UFSP2: variants seen among roughly 807,000 people sequenced by gnomAD.
UFSP2 encodes the protein UFM1 specific peptidase 2.
In UFSP2, 43 loss-of-function variants were observed where a neutral mutation model predicts 60.2. That is an observed-to-expected ratio of 0.71 (90% CI 0.56 to 0.92). The LOEUF (loss-of-function observed/expected upper bound fraction) is 0.92. Among genes scored for constraint, UFSP2 ranks in the 40% least tolerant of loss-of-function variants. UFSP2 has a pLI of 0.00. For missense variants in UFSP2, 520 were observed against 575.0 expected, an observed-to-expected ratio of 0.90 and a Z score of 0.98; for synonymous variants, 183 against 195.1, an observed-to-expected ratio of 0.94 and a Z score of 0.52.
rs1195989193 is a variant in UFSP2, at chr4:185,422,534, G to A, written c.33C>T (p.Phe11=). 1.2e-6 allele frequency: 2 copies of A among 1,611,422 alleles called. No individual in the cohort carries two copies. The highest frequency in any genetic ancestry group is 1.3e-5 in the African/African-American group (1 of 74,696). Residue 11 remains phenylalanine (F), a synonymous_variant, in exon 2 of 12, where the codon TTC becomes TTT. Coordinates refer to ENST00000264689, the MANE Select transcript of UFSP2 (RefSeq NM_018359.5). MVISESMDIL[F]RIRGGLDLAF... ...CCAAATCAAGGCCTCCTCTTATTCT[G>A]AAGAGTATATCCATACTTTCTGAAA...
In UFSP2 at chr4:185,421,230, G is replaced by A. The variant is rs557261047; in HGVS notation, c.82+1255C>T. Among the ~76,000 whole-genome samples the A allele has an allele frequency of 7.2e-5, 11 of 152,290 alleles. No homozygotes were observed. In the South Asian group the frequency reaches 2.3e-3, roughly 32 times the overall value. Reference sequence around the variant, plus strand: ...GAACAATTTATTAGTTGAAGGGATGGGTGGAAAAGAATATTCTGCACCCTC... The same window carrying A: ...GAACAATTTATTAGTTGAAGGGATGAGTGGAAAAGAATATTCTGCACCCTC... On this transcript the variant is annotated intron_variant, in intron 2 of 11. Transcript: ENST00000264689.
At chr4:185,406,884 A>AT (rs761397575) in intron 9 of UFSP2, among the ~76,000 whole-genome samples, 6 of 150,492 alleles carry the variant, frequency 4.0e-5, no homozygotes, top group East Asian at 2.0e-4. Flanking sequence ...CCAGTCTGTC[A>AT]TTTTTTTACC....
At chr4:185,409,091 C>T (rs1038283086) in intron 7 of UFSP2, among the ~76,000 whole-genome samples, 24 of 151,920 alleles carry the variant, frequency 1.6e-4, no homozygotes, top group African/African-American at 5.1e-4. Flanking sequence ...GCCTGGCACA[C>T]GGTTAATATA....
At chr4:185,421,297 A>G (rs2095548905) in intron 2 of UFSP2, among the ~76,000 whole-genome samples, 1 of 152,306 alleles carries the variant, frequency 6.6e-6, no homozygotes, top group Admixed American at 6.5e-5. Flanking sequence ...GCCAGCTGCA[A>G]TCTCCTTCAA....
At chr4:185,418,378 A>T in intron 4 of UFSP2, 63 bp downstream of exon 4, 2 of 1,238,126 alleles carry the variant, frequency 1.6e-6, no homozygotes, top group South Asian at 2.7e-5. Context: ...CTAAGATTGC[A>T]CTCAGTTCCA....
intron 2 of UFSP2, among the ~76,000 whole-genome samples, chr4:185,419,818 T>C (rs182487355): frequency 1.2e-3 from 179 of 152,366 alleles, no homozygotes; most frequent in Non-Finnish European, 1.9e-3. Flanking sequence ...CATTCATAAA[T>C]TGATGCACAT....
At chr4:185,419,344 A>G (rs929376582) in intron 2 of UFSP2, among the ~76,000 whole-genome samples, 1 of 151,922 alleles carries the variant, frequency 6.6e-6, no homozygotes, top group African/African-American at 2.4e-5. Context: ...GTTAGCCAGG[A>G]TGGTCTCGAT....
chr4:185,402,306 C>T (rs751347953), intron 11 of UFSP2: 2 of 455,134 alleles, frequency 4.4e-6, no homozygotes, highest in South Asian at 1.6e-5. Flanking sequence ...GATACATGCA[C>T]CAGTCAAAAA....
chr4:185,404,331 C>T (rs1230719358), intron 10 of UFSP2, among the ~76,000 whole-genome samples: 1 of 139,868 alleles, frequency 7.1e-6, no homozygotes, highest in Non-Finnish European at 1.5e-5. Flanking sequence ...TAGAGTCTCA[C>T]GTCACCCAGG....
In UFSP2 at chr4:185,399,768, G is replaced by A. The variant is rs2126872721; in HGVS notation, c.*624C>T. ...TAGAAAATACCAGTGGGAAAAGGAA[G>A]TGCTGGTAAGTAACTCAGAGCTGCT... On this transcript the variant is annotated 3_prime_UTR_variant, in exon 12 of 12. Coordinates refer to ENST00000264689, the MANE Select transcript of UFSP2 (RefSeq NM_018359.5). 1.9e-6 allele frequency: 3 copies of A among 1,614,026 alleles called. No individual in the cohort carries two copies. Among genetic ancestry groups the A allele is most frequent in the Admixed American group, 3.3e-5 (2 of 60,016 alleles).
rs1199470399 is a variant in UFSP2 at position 185,416,153 on chromosome 4, A to G, written c.334-286T>C. On this transcript the variant is annotated intron_variant, in intron 4 of 11. Coordinates refer to ENST00000264689, the MANE Select transcript of UFSP2 (RefSeq NM_018359.5). ...CAGTAAAAAGATTAAAAGCACAAAT[A>G]TTATTTTAAAAAGAAATTATTTTCT... 1.1e-4 allele frequency: 22 copies of G among 209,504 alleles called. No homozygotes were observed. In the East Asian group the frequency reaches 2.3e-3, roughly 22 times the overall value. The allele number at this position is 209,504 out of a possible 1,614,324, so 13.0% of individuals were successfully genotyped here. A position where few individuals can be genotyped will look rare whatever the true frequency, so the allele number is the denominator to read the frequency against.
At chr4:185,403,410 GTCTT>G in intron 11 of UFSP2, 80 bp downstream of exon 11, 2 of 1,536,924 alleles carry the variant, frequency 1.3e-6, no homozygotes, top group South Asian at 1.3e-5. Context: ...TCAGCTTATT[GTCTT>G]TCTGTTACCA....
chr4:185,399,787 AGCT>A lies in UFSP2; in HGVS notation c.*602_*604del, dbSNP rs772438467. Reference sequence around the variant, plus strand: ...AAGGAAGTGCTGGTAAGTAACTCAGAGCTGCTGCTTTTTTCCTCCCGCAGTGAT... The same window carrying A: ...AAGGAAGTGCTGGTAAGTAACTCAGAGCTGCTTTTTTCCTCCCGCAGTGAT... On this transcript the variant is annotated 3_prime_UTR_variant, in exon 12 of 12. Coordinates refer to ENST00000264689, the MANE Select transcript of UFSP2 (RefSeq NM_018359.5). The A allele has an allele frequency of 1.2e-6, 2 of 1,613,650 alleles. No individual in the cohort carries two copies. Among genetic ancestry groups the A allele is most frequent in the Non-Finnish European group, 1.7e-6 (2 of 1,179,720 alleles).
intron 9 of UFSP2, among the ~76,000 whole-genome samples, chr4:185,407,538 G>A (rs1470028677): frequency 1.3e-5 from 2 of 152,044 alleles, no homozygotes; most frequent in South Asian, 4.1e-4. Flanking sequence ...AAGAAAAAGA[G>A]CAGGAGGTAA....
At chr4:185,425,367 G>C (rs1014880984) in intron 1 of UFSP2, among the ~76,000 whole-genome samples, 2 of 152,078 alleles carry the variant, frequency 1.3e-5, no homozygotes, top group African/African-American at 4.8e-5. Context: ...TGGGTCTGGA[G>C]CTCAGAAGAA....
chr4:185,420,554 T>G (rs1055132192), intron 2 of UFSP2, among the ~76,000 whole-genome samples: 12 of 152,338 alleles, frequency 7.9e-5, no homozygotes, highest in Admixed American at 2.0e-4. Context: ...ATAAATACTT[T>G]GGAGCTATTG....
intron 7 of UFSP2, among the ~76,000 whole-genome samples, chr4:185,413,104 C>T (rs988524840): frequency 7.2e-5 from 11 of 152,098 alleles, no homozygotes; most frequent in Admixed American, 6.6e-5. Context: ...CAGGAGTTCA[C>T]GACCAGCCTG....
At chr4:185,413,223 A>T (rs938047788) in intron 7 of UFSP2, among the ~76,000 whole-genome samples, 8 of 151,938 alleles carry the variant, frequency 5.3e-5, no homozygotes, top group Admixed American at 5.2e-4. Context: ...CCCTGTCTCT[A>T]CTAAAAATAC....
rs988617768 is a variant in UFSP2, at chr4:185,400,559, C to G, written c.1324-81G>C. ...TGGAAATCGTGACATCAGGCTCTGT[C>G]AGCAGGACCTTGGAATAAGACTCTA... is the stretch of plus-strand genomic sequence containing the variant. On this transcript the variant is annotated intron_variant, in intron 11 of 11. Coordinates refer to ENST00000264689, the MANE Select transcript of UFSP2 (RefSeq NM_018359.5). The G allele has an allele frequency of 4.0e-6, 4 of 1,009,590 alleles. No homozygotes were observed. In the African/African-American group the frequency reaches 6.5e-5, roughly 16 times the overall value. 62.5% of individuals were successfully genotyped at this position (1,009,590 alleles called of 1,614,324 possible).
Sources: gnomAD v4.1 joint callset for allele counts (sites outside exome capture counted in the v4.1 genomes callset) on GRCh38, gnomAD v4.1.1 for gene constraint, MANE v1.5 for transcripts, NCBI Gene and HGNC (gene_info 2026-07-23, HGNC 2026-07-21) for gene names.